Variants in COL4A1 observed in about 807,000 individuals in gnomAD.
COL4A1 encodes the protein collagen alpha-1(IV) chain.
A neutral mutation model predicts 216.6 loss-of-function variants in COL4A1; 40 were observed. The ratio of observed to expected loss-of-function variants is 0.18; its 90% CI spans 0.14 to 0.24. COL4A1 has a LOEUF of 0.24. Ranked by LOEUF, COL4A1 falls within the 10% of genes least tolerant of loss-of-function variation. COL4A1 has a pLI of 1.00. For missense variants in COL4A1, 1,628 were observed against 2,196.8 expected (o/e 0.74, Z 5.18); for synonymous variants, 839 against 810.7 (o/e 1.03, Z -0.59).
chr13:110,181,296 T>G lies in COL4A1; in HGVS notation c.2189A>C (p.Gln730Pro). 4 of 1,613,826 alleles carry G rather than the reference T, an allele frequency of 2.5e-6. No individual in the cohort carries two copies. Among genetic ancestry groups the G allele is most frequent in the Non-Finnish European group, 3.4e-6 (4 of 1,179,838 alleles). Residue 730 changes from glutamine (Q) to proline (P), a missense_variant, in exon 29 of 52, where the codon CAG (glutamine) becomes CCG (proline). Physicochemically the swap from Gln to Pro is moderately conservative, Grantham distance 76. Transcript: ENST00000375820. ...GAGGGAATGCTTGGCACTCACCTTC[T>G]GGCCCTGCACACCTGGGTTCCCAGG... ...GLPGNPGVQG[Q>P]KGEPGVGLPG...
At chr13:110,229,431 A>C (rs1449110831) in intron 2 of COL4A1, among the ~76,000 whole-genome samples, 1 of 152,176 alleles carries the variant, frequency 6.6e-6, no homozygotes, top group Admixed American at 6.5e-5. Flanking sequence ...ACATTGAGAA[A>C]TTTCCAGCCA....
At chr13:110,190,880 T>C (rs1162418879) in intron 24 of COL4A1, 1 of 152,246 alleles carries the variant, frequency 6.6e-6, no homozygotes, top group Non-Finnish European at 1.5e-5. Context: ...CTTTCCTCAA[T>C]ATTCCTTCTT....
intron 31 of COL4A1, 42 bp downstream of exon 31, chr13:110,178,881 C>A: frequency 6.7e-7 from 1 of 1,500,432 alleles, no homozygotes; most frequent in South Asian, 1.2e-5. Flanking sequence ...TTCAGAAAAG[C>A]ATGCTTTTGG....
chr13:110,282,487 C>T (rs73617441), intron 1 of COL4A1, among the ~76,000 whole-genome samples: 2,047 of 152,322 alleles, frequency 0.013, 48 homozygotes, highest in African/African-American at 0.047. Context: ...GTCACCCTGT[C>T]CTCACTTCCA....
In COL4A1 at chr13:110,227,437, A is replaced by C. The variant is rs956584839; in HGVS notation, c.145-13422T>G. On this transcript the variant is annotated intron_variant, in intron 2 of 51. Transcript: ENST00000375820. ...ACACACACACACACAAACACACACAAACACAGAATCAGAAAGAGAGAGAGA... is the reference window on the plus strand; with the variant it reads ...ACACACACACACACAAACACACACACACACAGAATCAGAAAGAGAGAGAGA... Among the ~76,000 whole-genome samples, 43 of 135,686 alleles carry C rather than the reference A, an allele frequency of 3.2e-4. No individual in the cohort carries two copies. The South Asian group carries it at 4.3e-3, about 14-fold the overall frequency. 89.0% of individuals were successfully genotyped at this position (135,686 alleles called of 152,430 possible).
intron 2 of COL4A1, among the ~76,000 whole-genome samples, chr13:110,217,369 C>T (rs1162135461): frequency 6.6e-6 from 1 of 152,168 alleles, no homozygotes; most frequent in Non-Finnish European, 1.5e-5. Context: ...ATGCTACTAA[C>T]GTGACCACAG....
chr13:110,242,787 C>T (rs1172062463), intron 1 of COL4A1, 53 bp from the exon 2 acceptor site: 9 of 1,588,510 alleles, frequency 5.7e-6, no homozygotes, highest in Non-Finnish European at 6.9e-6. Context: ...AAAGCGAGGG[C>T]ACTATGCAAA....
chr13:110,220,952 TC>T (rs1355248718), intron 2 of COL4A1, among the ~76,000 whole-genome samples: 2 of 152,162 alleles, frequency 1.3e-5, no homozygotes, highest in Admixed American at 1.3e-4. Context: ...CACGATAAGG[TC>T]CATGTGATGA....
At chr13:110,178,306 A>T in intron 31 of COL4A1, 75 bp from the exon 32 acceptor site, 1 of 1,589,182 alleles carries the variant, frequency 6.3e-7, no homozygotes, top group Non-Finnish European at 8.6e-7. Flanking sequence ...GCTCTGTTTA[A>T]CTATGACTTT....
chr13:110,182,607 G>A (rs1298634595), intron 28 of COL4A1, among the ~76,000 whole-genome samples: 1 of 152,178 alleles, frequency 6.6e-6, no homozygotes, highest in African/African-American at 2.4e-5. Context: ...TCGGAGCAAA[G>A]GCCCCTCCCT....
chr13:110,223,191 T>C (rs1467327754), intron 2 of COL4A1, among the ~76,000 whole-genome samples: 1 of 152,172 alleles, frequency 6.6e-6, no homozygotes, highest in East Asian at 1.9e-4. Flanking sequence ...AAAAATTACA[T>C]TCTACAAAGC....
intron 2 of COL4A1, among the ~76,000 whole-genome samples, chr13:110,232,450 T>C (rs985530908): frequency 6.6e-6 from 1 of 152,242 alleles, no homozygotes; most frequent in African/African-American, 2.4e-5. Context: ...CGTGTTTGAA[T>C]GCTCAAAATA....
At chr13:110,295,572 C>T (rs1884245442) in intron 1 of COL4A1, among the ~76,000 whole-genome samples, 1 of 151,856 alleles carries the variant, frequency 6.6e-6, no homozygotes, top group African/African-American at 2.4e-5. Flanking sequence ...ATTACAGGCG[C>T]CCGCCACCAC....
rs1884506380 is a variant in COL4A1, at chr13:110,301,829, A to C, written c.84+5115T>G. 2.0e-5 allele frequency among the ~76,000 whole-genome samples: 3 copies of C among 152,236 alleles called. No individual in the cohort carries two copies. In the South Asian group the frequency reaches 6.2e-4, roughly 31 times the overall value. ...TCGAGGAGTAGCAAGGAACGAGGCC[A>C]GAAAAATTTGACAGATCCGTACCAC... On this transcript the variant is annotated intron_variant, in intron 1 of 51. Transcript: ENST00000375820.
intron 1 of COL4A1, among the ~76,000 whole-genome samples, chr13:110,248,235 A>G (rs1881918623): frequency 6.6e-6 from 1 of 152,170 alleles, no homozygotes; most frequent in Admixed American, 6.5e-5. Flanking sequence ...GTATGGAGGC[A>G]AGAGACTGTA....
intron 51 of COL4A1, 135 bp downstream of exon 51, chr13:110,152,199 T>C: frequency 1.4e-6 from 2 of 1,400,086 alleles, no homozygotes; most frequent in Non-Finnish European, 9.7e-7. Context: ...CATCTGCCCA[T>C]GTCGAACAGC....
chr13:110,296,793 T>G (rs767975793), intron 1 of COL4A1, among the ~76,000 whole-genome samples: 10 of 152,238 alleles, frequency 6.6e-5, no homozygotes, highest in African/African-American at 1.2e-4. Flanking sequence ...AAATTGGAAT[T>G]TCCATGAACC....
At chr13:110,297,923 T>TAA (rs200146266) in intron 1 of COL4A1, among the ~76,000 whole-genome samples, 5 of 143,274 alleles carry the variant, frequency 3.5e-5, no homozygotes, top group Admixed American at 1.4e-4. Context: ...TTCGCTGATG[T>TAA]AAAAAAAAAA....
At chr13:110,210,094 T>A (rs1313904146) in intron 9 of COL4A1, 35 bp downstream of exon 9, 1 of 1,613,690 alleles carries the variant, frequency 6.2e-7, no homozygotes, top group Non-Finnish European at 8.5e-7. Flanking sequence ...GAGGGTGAGG[T>A]GGCACATGTT....
Sources: gnomAD v4.1 joint callset for allele counts (sites outside exome capture counted in the v4.1 genomes callset) on GRCh38, gnomAD v4.1.1 for gene constraint, MANE v1.5 for transcripts, NCBI Gene and HGNC (gene_info 2026-07-23, HGNC 2026-07-21) for gene names.